The following APBA2 variants were observed in gnomAD, a reference collection of about 807,000 sequenced individuals.
The protein encoded by APBA2 is amyloid beta precursor protein binding family A member 2, also known as amyloid-beta A4 precursor protein-binding family A member 2.
A neutral mutation model predicts 75.0 loss-of-function variants in APBA2; 30 were observed. That is an observed-to-expected ratio of 0.40 (90% CI 0.30 to 0.54). The LOEUF is 0.54. APBA2 is among the 20% of genes least tolerant of loss of function. APBA2 has a pLI of 0.49. For synonymous variants in APBA2, 444 were observed against 409.6 expected, an observed-to-expected ratio of 1.08 and a Z score of -1.01; for missense variants, 801 against 1,016.1, an observed-to-expected ratio of 0.79 and a Z score of 2.88.
rs535677797 is a variant in APBA2 at position 29,079,850 on chromosome 15, T to C, written c.1069+3759T>C. Among the ~76,000 whole-genome samples, 21 of 152,358 alleles carry C rather than the reference T, an allele frequency of 1.4e-4. 1 individual carries two copies. In the Middle Eastern group the frequency reaches 0.014, roughly 99 times the overall value. ...AAAAAAATAATAGTAACAATGCACA[T>C]GATACCGTCTGAACCCTCGTTGGGG... On this transcript the variant is annotated intron_variant, in intron 6 of 14. Transcript: ENST00000683413.
At chr15:29,091,047 C>G (rs1266708644) in intron 6 of APBA2, among the ~76,000 whole-genome samples, 1 of 152,140 alleles carries the variant, frequency 6.6e-6, no homozygotes, top group African/African-American at 2.4e-5. Context: ...GGGGCTGCCT[C>G]TGATTCTCCT....
intron 3 of APBA2, among the ~76,000 whole-genome samples, chr15:29,017,972 C>A (rs936583935): frequency 6.6e-6 from 1 of 152,116 alleles, no homozygotes; most frequent in African/African-American, 2.4e-5. Context: ...CTGTTTGAGA[C>A]CTTCCTCCCA....
chr15:29,051,697 G>T (rs1016073696), intron 3 of APBA2, among the ~76,000 whole-genome samples: 2 of 152,160 alleles, frequency 1.3e-5, no homozygotes, highest in Non-Finnish European at 2.9e-5. Context: ...TACAAACAAG[G>T]TGCTGTGTTT....
At chr15:29,048,081 G>T (rs2041426384) in intron 3 of APBA2, among the ~76,000 whole-genome samples, 1 of 152,198 alleles carries the variant, frequency 6.6e-6, no homozygotes, top group Non-Finnish European at 1.5e-5. Flanking sequence ...GGGCACGGTG[G>T]CTCACTCTTG....
intron 2 of APBA2, among the ~76,000 whole-genome samples, chr15:28,967,354 A>G (rs1472015920): frequency 6.6e-6 from 1 of 152,200 alleles, no homozygotes; most frequent in Non-Finnish European, 1.5e-5. Flanking sequence ...AAAGCAGTCT[A>G]TATCATCTTG....
chr15:28,894,280 A>G (rs190906211), intron 1 of APBA2, among the ~76,000 whole-genome samples: 14 of 152,136 alleles, frequency 9.2e-5, no homozygotes, highest in Admixed American at 7.8e-4. Context: ...CTCAGTAGGT[A>G]TTTTCTGAGC....
At chr15:28,939,225 G>A (rs1026065947) in intron 2 of APBA2, among the ~76,000 whole-genome samples, 6 of 152,156 alleles carry the variant, frequency 3.9e-5, no homozygotes, top group East Asian at 1.9e-4. Context: ...ACTCCATTGC[G>A]GGAATATGCC....
intron 2 of APBA2, among the ~76,000 whole-genome samples, chr15:28,993,997 G>A (rs1475258772): frequency 6.6e-6 from 1 of 152,216 alleles, no homozygotes; most frequent in Non-Finnish European, 1.5e-5. Context: ...CTGTAACAGA[G>A]TGAGGAACTG....
At chr15:28,947,450 A>G (rs2035609291) in intron 2 of APBA2, among the ~76,000 whole-genome samples, 1 of 152,078 alleles carries the variant, frequency 6.6e-6, no homozygotes, top group Non-Finnish European at 1.5e-5. Flanking sequence ...GCCATCAGGG[A>G]GCCATCACCT....
At chr15:28,974,690 T>A (rs1487671377) in intron 2 of APBA2, among the ~76,000 whole-genome samples, 35 of 152,184 alleles carry the variant, frequency 2.3e-4, no homozygotes, top group Non-Finnish European at 1.5e-5. Flanking sequence ...TTAAATAAGT[T>A]TTTAGGTGAA....
intron 2 of APBA2, among the ~76,000 whole-genome samples, chr15:28,938,389 C>T (rs1008820056): frequency 6.6e-6 from 1 of 152,206 alleles, no homozygotes; most frequent in African/African-American, 2.4e-5. Context: ...GAGATTGGCA[C>T]CATTCTCATT....
intron 4 of APBA2, among the ~76,000 whole-genome samples, chr15:29,065,174 T>G (rs1470452630): frequency 6.6e-6 from 1 of 152,128 alleles, no homozygotes; most frequent in Non-Finnish European, 1.5e-5. Context: ...TACCTCCCGT[T>G]CTTGGGCCTC....
intron 6 of APBA2, among the ~76,000 whole-genome samples, chr15:29,084,745 G>A (rs1036100709): frequency 7.2e-5 from 11 of 152,148 alleles, no homozygotes; most frequent in Admixed American, 2.0e-4. Flanking sequence ...TTGTCCATCC[G>A]TCTCTTTTTT....
chr15:28,891,180 T>A (rs751410446), intron 1 of APBA2, among the ~76,000 whole-genome samples: 3 of 152,212 alleles, frequency 2.0e-5, no homozygotes, highest in Non-Finnish European at 4.4e-5. Context: ...GTTTCATCCT[T>A]CTTTGTTTGT....
intron 3 of APBA2, among the ~76,000 whole-genome samples, chr15:29,020,850 CCAAA>C (rs1286630500): frequency 6.6e-6 from 1 of 152,006 alleles, no homozygotes; most frequent in East Asian, 1.9e-4. Flanking sequence ...CAAATAACCC[CCAAA>C]CAAACAAAAA....
intron 3 of APBA2, among the ~76,000 whole-genome samples, chr15:29,032,343 C>G (rs1205133974): frequency 1.3e-5 from 2 of 152,174 alleles, no homozygotes; most frequent in Admixed American, 6.5e-5. Context: ...CTAATTCGAT[C>G]AGTTGAAGGC....
At chr15:29,114,431 G>A (rs547974020) in intron 14 of APBA2, among the ~76,000 whole-genome samples, 3 of 152,168 alleles carry the variant, frequency 2.0e-5, no homozygotes, top group East Asian at 1.9e-4. Flanking sequence ...TTCTGGCATC[G>A]CTTCCACGGC....
At chr15:29,016,883 CTTTT>C (rs2039687457) in intron 3 of APBA2, among the ~76,000 whole-genome samples, 1 of 151,980 alleles carries the variant, frequency 6.6e-6, no homozygotes, top group Admixed American at 6.6e-5. Flanking sequence ...TTCTTTCTTC[CTTTT>C]TTATCTTCAG....
chr15:28,976,665 G>A (rs2037353712), intron 2 of APBA2, among the ~76,000 whole-genome samples: 1 of 152,190 alleles, frequency 6.6e-6, no homozygotes, highest in Admixed American at 6.5e-5. Flanking sequence ...ACATGCCTGG[G>A]ATAAACCTGT....
Sources: gnomAD v4.1 joint callset for allele counts (sites outside exome capture counted in the v4.1 genomes callset) on GRCh38, gnomAD v4.1.1 for gene constraint, MANE v1.5 for transcripts, NCBI Gene and HGNC (gene_info 2026-07-23, HGNC 2026-07-21) for gene names.